The following SNAP91 variants were observed in gnomAD, a reference collection of about 807,000 sequenced individuals.
SNAP91 encodes synaptosome associated protein 91, also known as clathrin coat assembly protein AP180.
Under a neutral mutation model 100.3 loss-of-function variants are expected in SNAP91, and 27 were observed. That is an observed-to-expected ratio of 0.27 (90% CI 0.20 to 0.37). The LOEUF is 0.37. SNAP91 is among the 10% of genes least tolerant of loss of function. The pLI is 1.00. For missense variants in SNAP91, 986 were observed against 1,123.7 expected (o/e 0.88, Z 1.75); for synonymous variants, 404 against 398.6 (o/e 1.01, Z -0.16).
At position 83,625,923 on chromosome 6, in the gene SNAP91, T is replaced by A. The variant is rs144166807; in HGVS notation, c.766-2581A>T. ...TTTTGTTGCAATTGCTTTTGAGGAC[T>A]TGGTCATAAATTCTTTGCCAAGGCC... On this transcript the variant is annotated intron_variant, in intron 8 of 29. Transcript: ENST00000369694. Among the ~76,000 whole-genome samples, 340 of 152,268 alleles carry A rather than the reference T, an allele frequency of 2.2e-3. 1 individual carries two copies. Among genetic ancestry groups the A allele is most frequent in the African/African-American group, 7.6e-3 (317 of 41,556 alleles).
chr6:83,667,029 T>C (rs537127186), intron 2 of SNAP91, among the ~76,000 whole-genome samples: 1 of 152,240 alleles, frequency 6.6e-6, no homozygotes, highest in South Asian at 2.1e-4. Flanking sequence ...GCAAAATGTA[T>C]AAAAGACATA....
intron 8 of SNAP91, among the ~76,000 whole-genome samples, chr6:83,635,502 A>T (rs2097400272): frequency 6.6e-6 from 1 of 152,140 alleles, no homozygotes; most frequent in African/African-American, 2.4e-5. Flanking sequence ...TACAAGAGCA[A>T]CAACCTCTGT....
chr6:83,665,689 C>T (rs1586478391), intron 2 of SNAP91, 108 bp from the exon 3 acceptor site: 2 of 905,312 alleles, frequency 2.2e-6, no homozygotes, highest in East Asian at 5.5e-5. Context: ...CTTAAAAGTA[C>T]TTTGATAATA....
At chr6:83,643,122 T>C (rs1309013871) in intron 7 of SNAP91, among the ~76,000 whole-genome samples, 1 of 152,204 alleles carries the variant, frequency 6.6e-6, no homozygotes, top group Non-Finnish European at 1.5e-5. Context: ...GCAAAAATTT[T>C]CTCCCATTTT....
chr6:83,700,267 G>C (rs1003582610), intron 2 of SNAP91, among the ~76,000 whole-genome samples: 10 of 151,918 alleles, frequency 6.6e-5, no homozygotes, highest in Admixed American at 3.9e-4. Flanking sequence ...CCAAACTACA[G>C]AAAGAGAAAG....
At chr6:83,604,566 C>G (rs557585750) in intron 14 of SNAP91, among the ~76,000 whole-genome samples, 13 of 152,246 alleles carry the variant, frequency 8.5e-5, no homozygotes, top group Middle Eastern at 6.8e-3. Context: ...TACTGACACA[C>G]TGTTTAACAA....
In SNAP91 at chr6:83,576,987, A is replaced by T. The variant is rs73484867; in HGVS notation, c.2300-934T>A. 9.3e-3 allele frequency among the ~76,000 whole-genome samples: 1,417 copies of T among 152,320 alleles called. 18 individuals are homozygous for T. The highest frequency in any genetic ancestry group is 0.032 in the African/African-American group (1,331 of 41,574). ...TCCGATGGTGTCAGACAGATGACAAAACAATTAAAAAGTAAATTATACAGG... is the reference window on the plus strand; with the variant it reads ...TCCGATGGTGTCAGACAGATGACAATACAATTAAAAAGTAAATTATACAGG... On this transcript the variant is annotated intron_variant, in intron 24 of 29. Transcript: ENST00000369694.
intron 8 of SNAP91, 147 bp from the exon 9 acceptor site, chr6:83,623,489 C>A (rs1458355116): frequency 1.6e-6 from 1 of 625,874 alleles, no homozygotes; most frequent in Non-Finnish European, 2.8e-6. Flanking sequence ...GGAACATATG[C>A]TTTTTATGCA....
intron 26 of SNAP91, among the ~76,000 whole-genome samples, chr6:83,561,502 G>C (rs1787603745): frequency 6.6e-6 from 1 of 152,204 alleles, no homozygotes; most frequent in South Asian, 2.1e-4. Context: ...CTACTGACTT[G>C]ATGTTCTCTG....
chr6:83,662,265 C>T, intron 4 of SNAP91, 82 bp downstream of exon 4: 1 of 463,088 alleles, frequency 2.2e-6, no homozygotes. Context: ...ATGAAGCTAT[C>T]AGTTGCAATG....
intron 2 of SNAP91, chr6:83,690,554 G>T (rs937097454): frequency 7.0e-6 from 3 of 425,634 alleles, no homozygotes; most frequent in Non-Finnish European, 8.2e-6. Context: ...TTTGACTAAC[G>T]TACCTCTAAA....
chr6:83,562,248 G>A (rs560253266), intron 26 of SNAP91, among the ~76,000 whole-genome samples: 20 of 152,084 alleles, frequency 1.3e-4, no homozygotes, highest in East Asian at 3.9e-4. Flanking sequence ...AAACTACAGC[G>A]CGATATTCCT....
At chr6:83,603,106 G>T (rs1221857826) in intron 14 of SNAP91, among the ~76,000 whole-genome samples, 1 of 152,178 alleles carries the variant, frequency 6.6e-6, no homozygotes, top group Non-Finnish European at 1.5e-5. Flanking sequence ...CATAGTACTT[G>T]TCACAGGAGC....
intron 26 of SNAP91, among the ~76,000 whole-genome samples, chr6:83,563,303 A>G (rs1457329671): frequency 6.6e-6 from 1 of 152,200 alleles, no homozygotes; most frequent in Non-Finnish European, 1.5e-5. Flanking sequence ...CAATAGATGC[A>G]GAAAAGCTGT....
chr6:83,653,544 C>T (rs1338048580), intron 7 of SNAP91, among the ~76,000 whole-genome samples: 1 of 151,930 alleles, frequency 6.6e-6, no homozygotes, highest in East Asian at 1.9e-4. Flanking sequence ...CCATTGGAGC[C>T]CTTAGCCTAT....
chr6:83,634,836 T>C (rs567011240), intron 8 of SNAP91, among the ~76,000 whole-genome samples: 3 of 152,336 alleles, frequency 2.0e-5, no homozygotes, highest in South Asian at 2.1e-4. Context: ...TTTTGGTATG[T>C]TGTGTCTGTT....
intron 24 of SNAP91, among the ~76,000 whole-genome samples, chr6:83,577,780 T>C (rs957995597): frequency 3.9e-5 from 6 of 152,186 alleles, no homozygotes; most frequent in Non-Finnish European, 7.3e-5. Context: ...TTAAAGTACG[T>C]AATTCAATGG....
At chr6:83,582,106 A>G in intron 23 of SNAP91, 116 bp downstream of exon 23, 1 of 1,183,230 alleles carries the variant, frequency 8.5e-7, no homozygotes, top group Non-Finnish European at 1.2e-6. Context: ...TTTATAAACC[A>G]AATTATCACT....
At chr6:83,691,892 A>G (rs2099135197) in intron 2 of SNAP91, among the ~76,000 whole-genome samples, 1 of 152,208 alleles carries the variant, frequency 6.6e-6, no homozygotes, top group Admixed American at 6.5e-5. Context: ...CAGACACTCC[A>G]AAGTCATTTT....
Sources: gnomAD v4.1 joint callset for allele counts (sites outside exome capture counted in the v4.1 genomes callset) on GRCh38, gnomAD v4.1.1 for gene constraint, MANE v1.5 for transcripts, NCBI Gene and HGNC (gene_info 2026-07-23, HGNC 2026-07-21) for gene names.